The following AUTS2 variants were observed in gnomAD, a reference collection of about 807,000 sequenced individuals.
The protein encoded by AUTS2 is activator of transcription and developmental regulator AUTS2.
Under a neutral mutation model 112.4 loss-of-function variants are expected in AUTS2, and 17 were observed. The observed-to-expected ratio is 0.15, with a 90% CI of 0.10 to 0.23. AUTS2 has a LOEUF of 0.23. Among genes scored for constraint, AUTS2 ranks in the 10% least tolerant of loss-of-function variants. The pLI is 1.00. For missense variants in AUTS2, 1,510 were observed against 1,701.6 expected (o/e 0.89, Z 1.98); for synonymous variants, 751 against 702.7 (o/e 1.07, Z -1.09).
At position 70,793,196 on chromosome 7, in the gene AUTS2, G is replaced by A. The variant is rs1792075077; in HGVS notation, c.*2200G>A. On this transcript the variant is annotated 3_prime_UTR_variant, in exon 19 of 19. Coordinates refer to ENST00000342771, the MANE Select transcript of AUTS2 (RefSeq NM_015570.4). ...ACAGTGTGGGCCACGTTAGCCAGTT[G>A]TTTGTGCCTGGCTACTTCAAAACTC... 6.6e-6 allele frequency: 1 copy of A among 152,130 alleles called. No homozygotes were observed. Among genetic ancestry groups the A allele is most frequent in the Admixed American group, 6.5e-5 (1 of 15,268 alleles). 9.4% of individuals were successfully genotyped at this position (152,130 alleles called of 1,614,324 possible). A position where few individuals can be genotyped will look rare whatever the true frequency, so the allele number is the denominator to read the frequency against.
chr7:70,414,003 T>C (rs149377888), intron 4 of AUTS2, among the ~76,000 whole-genome samples: 9 of 152,316 alleles, frequency 5.9e-5, no homozygotes, highest in South Asian at 2.1e-4. Flanking sequence ...GCTTACACAC[T>C]GCTTTTGGAA....
At chr7:69,600,663 T>G (rs1021093511) in intron 1 of AUTS2, among the ~76,000 whole-genome samples, 1 of 151,334 alleles carries the variant, frequency 6.6e-6, no homozygotes, top group Non-Finnish European at 1.5e-5. Context: ...TATGGGGTTC[T>G]GTTACAGAAA....
At chr7:70,752,060 CT>C (rs1337396114) in intron 6 of AUTS2, among the ~76,000 whole-genome samples, 1 of 151,638 alleles carries the variant, frequency 6.6e-6, no homozygotes, top group African/African-American at 2.4e-5. Flanking sequence ...TGTGCTTGGG[CT>C]GTGTATGTGC....
intron 1 of AUTS2, among the ~76,000 whole-genome samples, chr7:69,753,026 A>G (rs1787805023): frequency 6.6e-6 from 1 of 152,200 alleles, no homozygotes; most frequent in Non-Finnish European, 1.5e-5. Context: ...GTGTTTAGAA[A>G]CATCTGGGGT....
chr7:70,047,222 G>T (rs1426777936), intron 2 of AUTS2, among the ~76,000 whole-genome samples: 3 of 152,108 alleles, frequency 2.0e-5, no homozygotes, highest in African/African-American at 7.2e-5. Flanking sequence ...TGCCTCTTTA[G>T]ATGTAAAAGT....
In AUTS2 at chr7:69,867,017, T is replaced by C. The variant is rs553319148; in HGVS notation, c.310-32269T>C. On this transcript the variant is annotated intron_variant, in intron 1 of 18. Coordinates refer to ENST00000342771, the MANE Select transcript of AUTS2 (RefSeq NM_015570.4). ...GCCAACTTGAGCAAGTAAAGAAGTC[T>C]AGGAGGCAGAGGTCTTCTGCCAGCT... Among the ~76,000 whole-genome samples the C allele has an allele frequency of 2.2e-4, 34 of 152,370 alleles. No homozygotes were observed. The South Asian group carries it at 6.6e-3, about 30-fold the overall frequency.
At chr7:70,360,517 C>T (rs1197322796) in intron 4 of AUTS2, among the ~76,000 whole-genome samples, 1 of 152,156 alleles carries the variant, frequency 6.6e-6, no homozygotes, top group Admixed American at 6.5e-5. Context: ...TAGGAGAGCA[C>T]ATTTTCAGAC....
chr7:70,143,594 T>G (rs1376191692), intron 4 of AUTS2, among the ~76,000 whole-genome samples: 1 of 152,222 alleles, frequency 6.6e-6, no homozygotes, highest in Non-Finnish European at 1.5e-5. Flanking sequence ...TATACTGTAT[T>G]TAATCTCTGC....
At chr7:70,764,503 G>C (rs1789782570) in intron 7 of AUTS2, among the ~76,000 whole-genome samples, 1 of 152,114 alleles carries the variant, frequency 6.6e-6, no homozygotes, top group Admixed American at 6.5e-5. Flanking sequence ...AGAATGAGCT[G>C]TCTCGACACC....
chr7:70,209,139 A>G (rs532486137), intron 4 of AUTS2, among the ~76,000 whole-genome samples: 1 of 152,282 alleles, frequency 6.6e-6, no homozygotes, highest in Admixed American at 6.5e-5. Context: ...GTAGCAGTGA[A>G]ATGTAAAGTG....
intron 5 of AUTS2, among the ~76,000 whole-genome samples, chr7:70,467,222 G>C (rs901342807): frequency 6.6e-6 from 1 of 152,224 alleles, no homozygotes; most frequent in Non-Finnish European, 1.5e-5. Flanking sequence ...ATTCACCCAG[G>C]CTAATGGCTG....
At chr7:70,568,998 A>T (rs1021180486) in intron 5 of AUTS2, among the ~76,000 whole-genome samples, 1 of 152,216 alleles carries the variant, frequency 6.6e-6, no homozygotes, top group African/African-American at 2.4e-5. Context: ...CAGCTGGCTC[A>T]TTTATAACCC....
chr7:70,338,091 T>G (rs1791078400), intron 4 of AUTS2, among the ~76,000 whole-genome samples: 1 of 152,228 alleles, frequency 6.6e-6, no homozygotes, highest in Admixed American at 6.5e-5. Context: ...TCCAGTAATC[T>G]TCTTTAATTG....
intron 1 of AUTS2, among the ~76,000 whole-genome samples, chr7:69,672,753 T>C (rs1584046146): frequency 6.6e-6 from 1 of 152,236 alleles, no homozygotes; most frequent in Non-Finnish European, 1.5e-5. Context: ...GGGATGGAGA[T>C]GCCAGTGCTG....
At chr7:70,385,688 C>G (rs1793575973) in intron 4 of AUTS2, among the ~76,000 whole-genome samples, 1 of 152,138 alleles carries the variant, frequency 6.6e-6, no homozygotes, top group South Asian at 2.1e-4. Flanking sequence ...GTGAGCAATG[C>G]TGGCACCACT....
intron 4 of AUTS2, among the ~76,000 whole-genome samples, chr7:70,250,579 T>G (rs1447625139): frequency 6.6e-6 from 1 of 152,202 alleles, no homozygotes; most frequent in Non-Finnish European, 1.5e-5. Context: ...TAATTATACA[T>G]GTACTATTTA....
chr7:70,263,328 T>G (rs1331997189), intron 4 of AUTS2, among the ~76,000 whole-genome samples: 1 of 152,208 alleles, frequency 6.6e-6, no homozygotes, highest in Non-Finnish European at 1.5e-5. Context: ...ATATTTATAT[T>G]ACATAAATGG....
intron 2 of AUTS2, among the ~76,000 whole-genome samples, chr7:69,920,774 A>G (rs1370299539): frequency 6.6e-6 from 1 of 152,192 alleles, no homozygotes; most frequent in Non-Finnish European, 1.5e-5. Context: ...TCTTCCAGGT[A>G]GCTCTCTTTA....
intron 1 of AUTS2, among the ~76,000 whole-genome samples, chr7:69,639,988 T>C (rs1794729682): frequency 6.6e-6 from 1 of 152,176 alleles, no homozygotes; most frequent in African/African-American, 2.4e-5. Flanking sequence ...ATGATCTTGG[T>C]CAAACGCCTC....
Sources: gnomAD v4.1 joint callset for allele counts (sites outside exome capture counted in the v4.1 genomes callset) on GRCh38, gnomAD v4.1.1 for gene constraint, MANE v1.5 for transcripts, NCBI Gene and HGNC (gene_info 2026-07-23, HGNC 2026-07-21) for gene names.